ELOVL7: variants seen among roughly 807,000 people sequenced by gnomAD.
ELOVL7 encodes ELOVL fatty acid elongase 7.
Under a neutral mutation model 35.7 loss-of-function variants are expected in ELOVL7, and 27 were observed. That is an observed-to-expected ratio of 0.76 (90% CI 0.56 to 1.04). ELOVL7 has a LOEUF of 1.04. ELOVL7 is among the 50% of genes least tolerant of loss of function. The probability of loss-of-function intolerance (pLI) is 0.00; values close to 1 mark genes in which losing one functional copy is unlikely to be tolerated. For missense variants in ELOVL7, 327 were observed against 340.8 expected, an observed-to-expected ratio of 0.96 and a Z score of 0.32; for synonymous variants, 113 against 114.6, an observed-to-expected ratio of 0.99 and a Z score of 0.09.
chr5:60,804,078 G>C (rs1274225862), intron 1 of ELOVL7, among the ~76,000 whole-genome samples: 1 of 152,160 alleles, frequency 6.6e-6, no homozygotes. Context: ...AAACAAACTA[G>C]ATGTTCACTC....
intron 1 of ELOVL7, among the ~76,000 whole-genome samples, chr5:60,825,431 A>G (rs1746114670): frequency 6.6e-6 from 1 of 152,154 alleles, no homozygotes; most frequent in Non-Finnish European, 1.5e-5. Flanking sequence ...AGTGTTATAT[A>G]TATTTATATG....
intron 2 of ELOVL7, among the ~76,000 whole-genome samples, chr5:60,795,832 C>A (rs563822860): frequency 9.0e-6 from 1 of 110,992 alleles, no homozygotes; most frequent in South Asian, 2.6e-4. Flanking sequence ...TCTTCCGTGA[C>A]CCACGGCTTC....
intron 1 of ELOVL7, among the ~76,000 whole-genome samples, chr5:60,814,765 G>A (rs1264547770): frequency 6.6e-6 from 1 of 152,196 alleles, no homozygotes; most frequent in Non-Finnish European, 1.5e-5. Context: ...ATAGCACACA[G>A]CTTCCCAGTG....
At chr5:60,786,438 T>C (rs1404834133) in intron 3 of ELOVL7, among the ~76,000 whole-genome samples, 1 of 152,210 alleles carries the variant, frequency 6.6e-6, no homozygotes, top group Non-Finnish European at 1.5e-5. Context: ...AAGAAATGTA[T>C]GGAGTATTTT....
At chr5:60,827,474 G>C (rs554997399) in intron 1 of ELOVL7, among the ~76,000 whole-genome samples, 1 of 152,140 alleles carries the variant, frequency 6.6e-6, no homozygotes, top group East Asian at 1.9e-4. Context: ...ATCTTTCTAG[G>C]TAAACATAGA....
At chr5:60,777,739 AC>A (rs1742993430) in intron 3 of ELOVL7, among the ~76,000 whole-genome samples, 1 of 152,208 alleles carries the variant, frequency 6.6e-6, no homozygotes, top group African/African-American at 2.4e-5. Context: ...GAAGGAAAAA[AC>A]ATAAAAACCA....
intron 1 of ELOVL7, among the ~76,000 whole-genome samples, chr5:60,823,353 T>G (rs1197281830): frequency 6.6e-6 from 1 of 152,142 alleles, no homozygotes; most frequent in African/African-American, 2.4e-5. Context: ...GGGCCCTTCC[T>G]ACATGCGCCC....
intron 1 of ELOVL7, among the ~76,000 whole-genome samples, chr5:60,838,119 A>C (rs1022129456): frequency 1.3e-5 from 2 of 152,184 alleles, no homozygotes; most frequent in Non-Finnish European, 2.9e-5. Flanking sequence ...TTCCCCACTG[A>C]CATTATGATA....
chr5:60,821,902 C>G (rs1745910678), intron 1 of ELOVL7, among the ~76,000 whole-genome samples: 1 of 152,118 alleles, frequency 6.6e-6, no homozygotes, highest in Non-Finnish European at 1.5e-5. Context: ...TCACTATGTG[C>G]AATAGGACCA....
intron 1 of ELOVL7, among the ~76,000 whole-genome samples, chr5:60,827,404 C>T (rs1193819981): frequency 6.6e-6 from 1 of 152,058 alleles, no homozygotes; most frequent in African/African-American, 2.4e-5. Flanking sequence ...AAATTGTAGA[C>T]AATGTGAAAC....
At chr5:60,824,240 G>A (rs1245791509) in intron 1 of ELOVL7, among the ~76,000 whole-genome samples, 2 of 152,204 alleles carry the variant, frequency 1.3e-5, no homozygotes, top group Non-Finnish European at 2.9e-5. Flanking sequence ...AGGTATAAGA[G>A]AGCTGAACAG....
intron 1 of ELOVL7, among the ~76,000 whole-genome samples, chr5:60,807,530 G>GAAA (rs35448485): frequency 6.9e-6 from 1 of 145,232 alleles, no homozygotes. Context: ...TTCATTTGAT[G>GAAA]AAAAAAAAAA....
chr5:60,830,961 T>C (rs987956781), intron 1 of ELOVL7, among the ~76,000 whole-genome samples: 1 of 152,192 alleles, frequency 6.6e-6, no homozygotes, highest in Non-Finnish European at 1.5e-5. Flanking sequence ...GCTGACATGA[T>C]TGCTGCTAAT....
At chr5:60,843,593 C>T in intron 1 of ELOVL7, 1 of 152,218 alleles carries the variant, frequency 6.6e-6, no homozygotes, top group Non-Finnish European at 1.5e-5. Flanking sequence ...GCAAAAAAAG[C>T]GCCCAAAGGG....
chr5:60,768,744 G>C, intron 4 of ELOVL7: 1 of 454,878 alleles, frequency 2.2e-6, no homozygotes, highest in Non-Finnish European at 4.4e-6. Context: ...ATATGAAATT[G>C]TTGGCTTAAT....
intron 1 of ELOVL7, among the ~76,000 whole-genome samples, chr5:60,805,791 T>C (rs1039880250): frequency 6.6e-6 from 1 of 152,230 alleles, no homozygotes; most frequent in Non-Finnish European, 1.5e-5. Context: ...ACTTCCTGTA[T>C]ATAGTATTGC....
chr5:60,823,753 T>A (rs908736464), intron 1 of ELOVL7, among the ~76,000 whole-genome samples: 1 of 152,194 alleles, frequency 6.6e-6, no homozygotes. Flanking sequence ...CACATTAGAA[T>A]CACCTAAAGA....
chr5:60,801,720 A>T (rs1744627142), intron 1 of ELOVL7, among the ~76,000 whole-genome samples: 1 of 151,936 alleles, frequency 6.6e-6, no homozygotes, highest in Non-Finnish European at 1.5e-5. Context: ...AAGAAAAAAA[A>T]ATGAAGAAAC....
At chr5:60,820,690 C>G (rs1383832029) in intron 1 of ELOVL7, among the ~76,000 whole-genome samples, 1 of 152,168 alleles carries the variant, frequency 6.6e-6, no homozygotes, top group Admixed American at 6.5e-5. Context: ...ATTCGTTCTC[C>G]CAATGAGTTG....
Sources: allele counts gnomAD v4.1 joint callset (sites outside exome capture counted in the v4.1 genomes callset), GRCh38; gene constraint gnomAD v4.1.1; transcripts MANE v1.5; gene names NCBI Gene and HGNC (gene_info 2026-07-23, HGNC 2026-07-21).